Variants in PARN observed in about 807,000 individuals in gnomAD.
PARN encodes poly(A)-specific ribonuclease PARN.
In PARN, 71 loss-of-function variants were observed where a neutral mutation model predicts 102.8. That is an observed-to-expected ratio of 0.69 (90% CI 0.57 to 0.84). The LOEUF (loss-of-function observed/expected upper bound fraction) is 0.84. Ranked by LOEUF, PARN falls within the 40% of genes least tolerant of loss-of-function variation. PARN has a pLI of 0.00. For missense variants in PARN, 782 were observed against 760.9 expected (o/e 1.03, Z -0.33); for synonymous variants, 261 against 252.9 (o/e 1.03, Z -0.30).
At chr16:14,485,842 G>A (rs968454937) in intron 21 of PARN, among the ~76,000 whole-genome samples, 3 of 151,990 alleles carry the variant, frequency 2.0e-5, no homozygotes, top group South Asian at 2.1e-4. Flanking sequence ...CGTGCGCCAC[G>A]ACGCCTGGCT....
intron 12 of PARN, among the ~76,000 whole-genome samples, chr16:14,599,037 C>CTTTTTTT (rs71150194): frequency 1.4e-4 from 11 of 81,456 alleles, no homozygotes; most frequent in African/African-American, 2.0e-4. Context: ...TTCTCCTCTT[C>CTTTTTTT]TTTTTTTTTT....
intron 21 of PARN, among the ~76,000 whole-genome samples, chr16:14,533,583 G>A (rs1468149466): frequency 6.6e-6 from 1 of 152,108 alleles, no homozygotes; most frequent in Non-Finnish European, 1.5e-5. Flanking sequence ...CACTCCACGT[G>A]CCCTCTGTTT....
At chr16:14,526,099 T>C (rs527267354) in intron 21 of PARN, among the ~76,000 whole-genome samples, 20 of 151,876 alleles carry the variant, frequency 1.3e-4, no homozygotes, top group Admixed American at 2.6e-4. Context: ...ATTACAGGCA[T>C]GAGCCACCAC....
chr16:14,543,592 T>C (rs1966854479), intron 21 of PARN, among the ~76,000 whole-genome samples: 1 of 152,188 alleles, frequency 6.6e-6, no homozygotes, highest in Non-Finnish European at 1.5e-5. Flanking sequence ...ACATTCTATG[T>C]GAAATGGTAT....
Position 14,608,455 on chromosome 16 carries a change from C to T in PARN, c.621-136G>A, listed in dbSNP as rs72787700. 795 of 602,730 alleles carry T rather than the reference C, an allele frequency of 1.3e-3. 1 individual carries two copies. The highest frequency in any genetic ancestry group is 1.7e-3 in the Non-Finnish European group (583 of 343,252). The allele number at this position is 602,730 out of a possible 1,614,324, so 37.3% of individuals were successfully genotyped here. ...GATAGGTAATTTGCAAACAAAAATACGCAGGTTTTTTGAGGTGGGGGGATT... is the reference window on the plus strand; with the variant it reads ...GATAGGTAATTTGCAAACAAAAATATGCAGGTTTTTTGAGGTGGGGGGATT... On this transcript the variant is annotated intron_variant, in intron 8 of 23. Coordinates refer to ENST00000437198, the MANE Select transcript of PARN (RefSeq NM_002582.4).
chr16:14,506,245 G>A (rs944478411), intron 21 of PARN, among the ~76,000 whole-genome samples: 1 of 152,208 alleles, frequency 6.6e-6, no homozygotes, highest in African/African-American at 2.4e-5. Flanking sequence ...TAAGAAACAG[G>A]CTGGGGAACT....
chr16:14,581,450 C>T (rs1419908510), intron 17 of PARN, among the ~76,000 whole-genome samples: 1 of 151,994 alleles, frequency 6.6e-6, no homozygotes. Context: ...CCACTCCTAC[C>T]TCAAAACCCT....
At chr16:14,561,680 G>A (rs192527407) in intron 18 of PARN, among the ~76,000 whole-genome samples, 10 of 152,134 alleles carry the variant, frequency 6.6e-5, no homozygotes, top group African/African-American at 2.4e-4. Context: ...AAGGTGGCTC[G>A]TGCCTGTAGT....
At chr16:14,578,226 G>A (rs1417001696) in intron 18 of PARN, among the ~76,000 whole-genome samples, 1 of 149,414 alleles carries the variant, frequency 6.7e-6, no homozygotes, top group East Asian at 2.0e-4. Flanking sequence ...CTACTCAGGA[G>A]GCTGAGGCAG....
intron 5 of PARN, among the ~76,000 whole-genome samples, chr16:14,624,752 C>G (rs569958239): frequency 7.2e-5 from 11 of 152,120 alleles, no homozygotes; most frequent in Middle Eastern, 3.4e-3. Flanking sequence ...AACCCCATCT[C>G]TACTAAAAAT....
At chr16:14,457,943 T>G (rs948651086) in intron 22 of PARN, among the ~76,000 whole-genome samples, 18 of 151,100 alleles carry the variant, frequency 1.2e-4, no homozygotes, top group Admixed American at 1.1e-3. Flanking sequence ...TGTGTGTGTG[T>G]GTGTGAGAGA....
intron 6 of PARN, 98 bp downstream of exon 6, chr16:14,617,492 C>G (rs1181635610): frequency 8.3e-6 from 6 of 721,656 alleles, no homozygotes; most frequent in Middle Eastern, 3.6e-4. Flanking sequence ...TGTGTCTCAG[C>G]AGGCACAAAA....
At chr16:14,492,419 C>T (rs1964104817) in intron 21 of PARN, among the ~76,000 whole-genome samples, 1 of 152,152 alleles carries the variant, frequency 6.6e-6, no homozygotes, top group African/African-American at 2.4e-5. Context: ...TGTTTACAGA[C>T]AGCTTCCACA....
chr16:14,475,657 GCT>G (rs1166543619), intron 22 of PARN, among the ~76,000 whole-genome samples: 1 of 152,152 alleles, frequency 6.6e-6, no homozygotes, highest in Non-Finnish European at 1.5e-5. Context: ...AAGCTCGACT[GCT>G]CTGACCAGCT....
At chr16:14,535,603 C>T (rs1186832401) in intron 21 of PARN, among the ~76,000 whole-genome samples, 1 of 152,136 alleles carries the variant, frequency 6.6e-6, no homozygotes, top group Non-Finnish European at 1.5e-5. Context: ...GCAACAAAAA[C>T]AGGGCTACAG....
chr16:14,609,043 T>C lies in PARN; in HGVS notation c.620+15A>G, dbSNP rs745949104. The C allele has an allele frequency of 9.3e-6, 14 of 1,505,572 alleles. No individual in the cohort carries two copies. The African/African-American group carries it at 1.9e-4, about 21-fold the overall frequency. The allele number at this position is 1,505,572 out of a possible 1,614,324, so 93.3% of individuals were successfully genotyped here. On this transcript the variant is annotated intron_variant, in intron 8 of 23. Coordinates refer to ENST00000437198, the MANE Select transcript of PARN (RefSeq NM_002582.4). ...TCCAAAAAAAGGACATGCAGAAATG[T>C]TCAGGACAACTAACCCGGTACATGG...
At chr16:14,437,861 G>A (rs1299535436) in intron 23 of PARN, among the ~76,000 whole-genome samples, 1 of 152,178 alleles carries the variant, frequency 6.6e-6, no homozygotes, top group Non-Finnish European at 1.5e-5. Context: ...GTTATCATCA[G>A]TAACAGGGAT....
At chr16:14,599,011 C>G (rs989546005) in intron 12 of PARN, among the ~76,000 whole-genome samples, 2 of 147,350 alleles carry the variant, frequency 1.4e-5, no homozygotes, top group African/African-American at 2.5e-5. Context: ...ATGTAAAATG[C>G]GGATGCCTGT....
At chr16:14,458,176 A>G (rs1961776545) in intron 22 of PARN, among the ~76,000 whole-genome samples, 1 of 152,210 alleles carries the variant, frequency 6.6e-6, no homozygotes, top group African/African-American at 2.4e-5. Flanking sequence ...CATGAAAGAT[A>G]CTACATTAAT....
Sources: gnomAD v4.1 joint callset for allele counts (sites outside exome capture counted in the v4.1 genomes callset) on GRCh38, gnomAD v4.1.1 for gene constraint, MANE v1.5 for transcripts, NCBI Gene and HGNC (gene_info 2026-07-23, HGNC 2026-07-21) for gene names.